The following GRXCR1 variants were observed in gnomAD, a reference collection of about 807,000 sequenced individuals.
GRXCR1 encodes glutaredoxin and cysteine rich domain containing 1.
In GRXCR1, 27 loss-of-function variants were observed where a neutral mutation model predicts 27.3. The observed-to-expected ratio is 0.99, with a 90% CI of 0.73 to 1.37. GRXCR1 has a LOEUF of 1.37. Ranked by LOEUF, GRXCR1 falls within the 40% of genes most tolerant of loss-of-function variation. The pLI is 0.00. For synonymous variants in GRXCR1, 122 were observed against 131.1 expected, an observed-to-expected ratio of 0.93 and a Z score of 0.47; for missense variants, 379 against 354.4, an observed-to-expected ratio of 1.07 and a Z score of -0.56.
chr4:43,001,974 T>C (rs1211433479), intron 2 of GRXCR1, among the ~76,000 whole-genome samples: 1 of 152,236 alleles, frequency 6.6e-6, no homozygotes, highest in African/African-American at 2.4e-5. Flanking sequence ...CAGATTTATG[T>C]TTCTCTCCAC....
chr4:42,911,212 T>C lies in GRXCR1; in HGVS notation c.384+17562T>C, dbSNP rs949681884. 1.1e-4 allele frequency among the ~76,000 whole-genome samples: 16 copies of C among 152,236 alleles called. No homozygotes were observed. In the South Asian group the frequency reaches 3.3e-3, roughly 32 times the overall value. On this transcript the variant is annotated intron_variant, in intron 1 of 3. Coordinates refer to ENST00000399770, the MANE Select transcript of GRXCR1 (RefSeq NM_001080476.3). ...TGCAATGGATGGCTAAGCTGGTATA[T>C]TACAAAAAAGGAAAATCCAATCTAA...
chr4:42,989,441 T>G (rs1487129448), intron 2 of GRXCR1, among the ~76,000 whole-genome samples: 1 of 152,230 alleles, frequency 6.6e-6, no homozygotes, highest in Non-Finnish European at 1.5e-5. Context: ...CATTGAGTGT[T>G]AGGGCTTAAA....
intron 2 of GRXCR1, among the ~76,000 whole-genome samples, chr4:42,990,857 A>G (rs548015410): frequency 7.0e-4 from 106 of 152,268 alleles, no homozygotes; most frequent in African/African-American, 2.4e-3. Context: ...ATGCGTACAT[A>G]AATGCCACAC....
chr4:42,983,068 C>A (rs1393609695), intron 2 of GRXCR1, among the ~76,000 whole-genome samples: 1 of 151,678 alleles, frequency 6.6e-6, no homozygotes, highest in Non-Finnish European at 1.5e-5. Context: ...AATTAGATCC[C>A]ATTTGTCAAT....
At chr4:43,004,485 A>G (rs1712488647) in intron 2 of GRXCR1, among the ~76,000 whole-genome samples, 1 of 152,230 alleles carries the variant, frequency 6.6e-6, no homozygotes, top group South Asian at 2.1e-4. Flanking sequence ...AGCATGCATC[A>G]TGCACCTGGA....
chr4:42,984,423 T>A (rs1339299565), intron 2 of GRXCR1, among the ~76,000 whole-genome samples: 1 of 152,224 alleles, frequency 6.6e-6, no homozygotes, highest in African/African-American at 2.4e-5. Flanking sequence ...CTTTATTTTG[T>A]CTCTTTGGTA....
At chr4:42,909,273 TA>T (rs1746664671) in intron 1 of GRXCR1, among the ~76,000 whole-genome samples, 1 of 152,166 alleles carries the variant, frequency 6.6e-6, no homozygotes, top group South Asian at 2.1e-4. Flanking sequence ...AATAAGTTAT[TA>T]AACCCTTGAC....
At chr4:42,991,944 G>A (rs985969464) in intron 2 of GRXCR1, among the ~76,000 whole-genome samples, 1 of 152,028 alleles carries the variant, frequency 6.6e-6, no homozygotes. Flanking sequence ...TTTCCTATAG[G>A]CATGTGGCTT....
chr4:42,920,678 C>T (rs1456852674), intron 1 of GRXCR1, among the ~76,000 whole-genome samples: 3 of 151,264 alleles, frequency 2.0e-5, no homozygotes, highest in African/African-American at 4.9e-5. Flanking sequence ...TTTCTCCCTG[C>T]CTCACTTCCT....
chr4:43,019,058 C>A (rs1053200999), intron 2 of GRXCR1, among the ~76,000 whole-genome samples: 1 of 152,104 alleles, frequency 6.6e-6, no homozygotes, highest in Non-Finnish European at 1.5e-5. Context: ...TAAAATGGAA[C>A]CAAGAAGTAA....
intron 1 of GRXCR1, among the ~76,000 whole-genome samples, chr4:42,920,228 G>C (rs1167768578): frequency 6.6e-6 from 1 of 152,116 alleles, no homozygotes; most frequent in Non-Finnish European, 1.5e-5. Context: ...TGAAGGAAGA[G>C]GGATGAGCAG....
At chr4:42,970,240 C>G (rs903561657) in intron 2 of GRXCR1, among the ~76,000 whole-genome samples, 2 of 152,126 alleles carry the variant, frequency 1.3e-5, no homozygotes, top group African/African-American at 4.8e-5. Flanking sequence ...ACACATGGTA[C>G]AAGCTGTCAG....
intron 2 of GRXCR1, among the ~76,000 whole-genome samples, chr4:42,987,222 T>TATATTATA (rs369022273): frequency 3.4e-4 from 34 of 100,574 alleles, no homozygotes; most frequent in African/African-American, 1.3e-3. Flanking sequence ...TATATATATA[T>TATATTATA]TATATATTAT....
At chr4:42,929,579 G>C (rs930540465) in intron 1 of GRXCR1, among the ~76,000 whole-genome samples, 11 of 152,030 alleles carry the variant, frequency 7.2e-5, no homozygotes, top group African/African-American at 2.7e-4. Context: ...GGAGGATTTG[G>C]AGGTTGGGTC....
chr4:42,951,414 C>T (rs1317957393), intron 1 of GRXCR1, among the ~76,000 whole-genome samples: 1 of 152,176 alleles, frequency 6.6e-6, no homozygotes, highest in African/African-American at 2.4e-5. Context: ...ATCACAGCTA[C>T]TAACTGTCAA....
intron 2 of GRXCR1, among the ~76,000 whole-genome samples, chr4:43,007,721 T>A (rs1446308542): frequency 6.6e-6 from 1 of 152,224 alleles, no homozygotes; most frequent in African/African-American, 2.4e-5. Flanking sequence ...ATGGCTAGAA[T>A]ATTGATTTGA....
chr4:42,951,436 G>T (rs892798872), intron 1 of GRXCR1, among the ~76,000 whole-genome samples: 1 of 152,152 alleles, frequency 6.6e-6, no homozygotes. Context: ...GCAAAGGCTT[G>T]AGATTGGTTT....
At chr4:42,940,222 C>T (rs976921743) in intron 1 of GRXCR1, among the ~76,000 whole-genome samples, 2 of 152,042 alleles carry the variant, frequency 1.3e-5, no homozygotes, top group Admixed American at 6.6e-5. Flanking sequence ...CTTTCTCCCT[C>T]TCATGCTAGT....
chr4:42,958,900 C>T (rs1748069305), intron 1 of GRXCR1, among the ~76,000 whole-genome samples: 1 of 151,842 alleles, frequency 6.6e-6, no homozygotes, highest in African/African-American at 2.4e-5. Flanking sequence ...AGGATGGCTG[C>T]TATTAAAAAG....
Sources: allele counts gnomAD v4.1 joint callset (sites outside exome capture counted in the v4.1 genomes callset), GRCh38; gene constraint gnomAD v4.1.1; transcripts MANE v1.5; gene names NCBI Gene and HGNC (gene_info 2026-07-23, HGNC 2026-07-21).